The following PSMD12 variants were observed in gnomAD, a reference collection of about 807,000 sequenced individuals.
PSMD12 encodes proteasome 26S subunit, non-ATPase 12.
A neutral mutation model predicts 62.9 loss-of-function variants in PSMD12; 8 were observed. The ratio of observed to expected loss-of-function variants is 0.13; its 90% CI spans 0.07 to 0.23. The LOEUF is 0.23. Ranked by LOEUF, PSMD12 falls within the 10% of genes least tolerant of loss-of-function variation. PSMD12 has a pLI of 1.00. For synonymous variants in PSMD12, 173 were observed against 187.4 expected (o/e 0.92, Z 0.63); for missense variants, 424 against 550.2 (o/e 0.77, Z 2.29).
At chr17:67,346,264 G>A (rs1489642512) in intron 7 of PSMD12, among the ~76,000 whole-genome samples, 1 of 152,026 alleles carries the variant, frequency 6.6e-6, no homozygotes, top group Non-Finnish European at 1.5e-5. Context: ...GCGTGGGGGC[G>A]GGTGCCTGTA....
intron 1 of PSMD12, among the ~76,000 whole-genome samples, chr17:67,361,732 T>C (rs2042129565): frequency 6.6e-6 from 1 of 151,834 alleles, no homozygotes; most frequent in South Asian, 2.1e-4. Flanking sequence ...CTTGCTCTTT[T>C]TGACATTAAC....
chr17:67,350,767 G>A (rs989396059), intron 3 of PSMD12, among the ~76,000 whole-genome samples: 1 of 152,154 alleles, frequency 6.6e-6, no homozygotes, highest in Non-Finnish European at 1.5e-5. Context: ...GTGACACTGA[G>A]AGCCAGAGAC....
chr17:67,350,737 C>T (rs1452514312), intron 3 of PSMD12, among the ~76,000 whole-genome samples: 1 of 152,166 alleles, frequency 6.6e-6, no homozygotes, highest in Non-Finnish European at 1.5e-5. Flanking sequence ...CACAGTCACC[C>T]AAATTCACCT....
chr17:67,345,652 A>G, intron 8 of PSMD12, 93 bp downstream of exon 8: 1 of 989,868 alleles, frequency 1.0e-6, no homozygotes, highest in Non-Finnish European at 1.5e-6. Context: ...CAAAAAAAGA[A>G]GTATACACAG....
intron 4 of PSMD12, 148 bp from the exon 5 acceptor site, chr17:67,348,802 A>G: frequency 1.6e-6 from 1 of 633,992 alleles, no homozygotes; most frequent in East Asian, 2.9e-5. Context: ...GTTTGAGACC[A>G]GCCTGGGAAA....
At chr17:67,357,697 G>T in intron 1 of PSMD12, 119 bp from the exon 2 acceptor site, 1 of 979,472 alleles carries the variant, frequency 1.0e-6, no homozygotes, top group South Asian at 1.5e-5. Flanking sequence ...AGAGGAAAAG[G>T]ACTACCCATA....
At chr17:67,362,814 C>T (rs983110594) in intron 1 of PSMD12, 1 of 152,178 alleles carries the variant, frequency 6.6e-6, no homozygotes, top group Non-Finnish European at 1.5e-5. Context: ...TCAATTTTCT[C>T]TTCAGCGAAG....
At chr17:67,362,404 G>A (rs914123402) in intron 1 of PSMD12, among the ~76,000 whole-genome samples, 19 of 152,206 alleles carry the variant, frequency 1.2e-4, no homozygotes, top group Non-Finnish European at 1.6e-4. Flanking sequence ...GCTGGGCGCG[G>A]TGGCTCACGC....
At chr17:67,341,125 T>C in intron 10 of PSMD12, 73 bp from the exon 11 acceptor site, 1 of 1,154,804 alleles carries the variant, frequency 8.7e-7, no homozygotes, top group Non-Finnish European at 1.2e-6. Context: ...CAGAAAAGCA[T>C]TTTCTGAACT....
intron 7 of PSMD12, among the ~76,000 whole-genome samples, chr17:67,346,682 T>C (rs1386921587): frequency 6.6e-6 from 1 of 152,234 alleles, no homozygotes. Context: ...ACTATTATAA[T>C]AAATCATTGC....
In PSMD12 at chr17:67,348,580, T is replaced by C. The variant is rs1226760017; in HGVS notation, c.480A>G (p.Lys160=). The change falls in exon 5 of 11, where the codon AAA becomes AAG. Residue 160 remains lysine (K), a synonymous_variant. Coordinates refer to ENST00000356126, the MANE Select transcript of PSMD12 (RefSeq NM_002816.5). ...ATIKEQNGDV[K]EAASILQELQ... ...ACTCCTGTAAAATGGAGGCTGCCTC[T>C]TTCACATCACCATTTTGTTCTTTTA... The C allele has an allele frequency of 6.2e-7, 1 of 1,613,794 alleles. No homozygotes were observed. Among genetic ancestry groups the C allele is most frequent in the African/African-American group, 1.3e-5 (1 of 74,948 alleles).
rs766806204 is a variant in PSMD12 at position 67,348,610 on chromosome 17, T to C, written c.450A>G (p.Ala150=). ...IERARLTKTL[A]TIKEQNGDVK... ...CATCACCATTTTGTTCTTTTATAGT[T>C]GCTAATGTTTTAGTCAGTCGCGCAC... Residue 150 remains alanine (A), a synonymous_variant, in exon 5 of 11, where the codon GCA becomes GCG. Coordinates refer to ENST00000356126, the MANE Select transcript of PSMD12 (RefSeq NM_002816.5). The C allele has an allele frequency of 2.5e-6, 4 of 1,613,690 alleles. No homozygotes were observed. In the East Asian group the frequency reaches 6.7e-5, roughly 27 times the overall value.
chr17:67,365,201 A>G (rs1302626731), intron 1 of PSMD12, among the ~76,000 whole-genome samples: 3 of 151,912 alleles, frequency 2.0e-5, no homozygotes, highest in Non-Finnish European at 4.4e-5. Flanking sequence ...AAAAAAAAAA[A>G]AAGTTCAGGT....
intron 9 of PSMD12, among the ~76,000 whole-genome samples, chr17:67,343,216 C>T (rs1438302830): frequency 6.6e-6 from 1 of 152,144 alleles, no homozygotes; most frequent in East Asian, 1.9e-4. Context: ...GCAACACCAA[C>T]ACATCAGAAA....
intron 8 of PSMD12, 33 bp downstream of exon 8, chr17:67,345,712 G>C (rs749664957): frequency 6.5e-7 from 1 of 1,540,320 alleles, no homozygotes; most frequent in Non-Finnish European, 9.0e-7. Flanking sequence ...TGTTTCGACT[G>C]AGATATATCA....
chr17:67,354,416 A>AG (rs1427317259), intron 3 of PSMD12, among the ~76,000 whole-genome samples: 1 of 151,798 alleles, frequency 6.6e-6, no homozygotes, highest in Non-Finnish European at 1.5e-5. Context: ...AAAAAAAAAA[A>AG]GGGAAGAAAA....
At chr17:67,345,347 A>T (rs2041954735) in intron 8 of PSMD12, among the ~76,000 whole-genome samples, 1 of 152,180 alleles carries the variant, frequency 6.6e-6, no homozygotes, top group Non-Finnish European at 1.5e-5. Flanking sequence ...ACCAATTAAG[A>T]AGTACACACT....
intron 1 of PSMD12, chr17:67,362,957 C>G (rs2042146877): frequency 6.6e-6 from 1 of 152,122 alleles, no homozygotes; most frequent in Admixed American, 6.5e-5. Context: ...AAAACGTATA[C>G]AGCAATAAAT....
chr17:67,341,149 T>C, intron 10 of PSMD12, 97 bp from the exon 11 acceptor site: 1 of 923,352 alleles, frequency 1.1e-6, no homozygotes. Flanking sequence ...CATCCAAGAA[T>C]ATGCAGGGGA....
Sources: allele counts gnomAD v4.1 joint callset (sites outside exome capture counted in the v4.1 genomes callset), GRCh38; gene constraint gnomAD v4.1.1; transcripts MANE v1.5; gene names NCBI Gene and HGNC (gene_info 2026-07-23, HGNC 2026-07-21).